The following SPACA7 variants were observed in gnomAD, a reference collection of about 807,000 sequenced individuals.
SPACA7 encodes the protein sperm acrosome-associated protein 7.
SPACA7 carries 19 observed loss-of-function variants against 26.3 expected under a neutral mutation model. The observed-to-expected ratio is 0.72, with a 90% confidence interval of 0.50 to 1.06. The LOEUF (loss-of-function observed/expected upper bound fraction) is 1.06, where lower values mean the gene tolerates loss of function less well. Ranked by LOEUF, SPACA7 falls within the 50% of genes least tolerant of loss-of-function variation. SPACA7 has a pLI of 0.00. For synonymous variants in SPACA7, 84 were observed against 84.5 expected, an observed-to-expected ratio of 0.99 and a Z score of 0.04; for missense variants, 211 against 229.9, an observed-to-expected ratio of 0.92 and a Z score of 0.53.
At chr13:112,433,188 C>T (rs7327893) in intron 6 of SPACA7, among the ~76,000 whole-genome samples, 39,392 of 145,150 alleles carry the variant, frequency 0.27, 5,657 homozygotes, top group East Asian at 0.63. Flanking sequence ...TGCCCGTCCA[C>T]GCAGCCTGAG....
At chr13:112,411,032 A>G (rs528086535) in intron 5 of SPACA7, among the ~76,000 whole-genome samples, 1 of 152,262 alleles carries the variant, frequency 6.6e-6, no homozygotes, top group South Asian at 2.1e-4. Flanking sequence ...AAAATAATTA[A>G]TGGATGAGTT....
At chr13:112,390,751 G>A (rs1884836473) in intron 1 of SPACA7, among the ~76,000 whole-genome samples, 1 of 152,220 alleles carries the variant, frequency 6.6e-6, no homozygotes, top group South Asian at 2.1e-4. Flanking sequence ...CACGAGAACA[G>A]CAAGGGGGAC....
intron 2 of SPACA7, 106 bp downstream of exon 2, chr13:112,393,183 G>A: frequency 1.2e-6 from 1 of 824,754 alleles, no homozygotes; most frequent in Non-Finnish European, 2.0e-6. Flanking sequence ...GACAGTGGAG[G>A]GAACTGATTG....
chr13:112,404,151 T>G (rs1453668831), intron 5 of SPACA7, among the ~76,000 whole-genome samples: 1 of 152,246 alleles, frequency 6.6e-6, no homozygotes, highest in Non-Finnish European at 1.5e-5. Flanking sequence ...ATTGTGGTTT[T>G]GATTTGTATT....
chr13:112,423,127 C>A (rs575334439), intron 5 of SPACA7, among the ~76,000 whole-genome samples: 7 of 152,200 alleles, frequency 4.6e-5, no homozygotes, highest in African/African-American at 1.7e-4. Context: ...AGTCGATATA[C>A]TCAAGCGATT....
intron 5 of SPACA7, among the ~76,000 whole-genome samples, chr13:112,416,471 G>A (rs1033842207): frequency 6.6e-6 from 1 of 152,078 alleles, no homozygotes; most frequent in African/African-American, 2.4e-5. Flanking sequence ...GTTTTTAGTA[G>A]AGAATGGGTT....
chr13:112,413,656 C>A lies in SPACA7; in HGVS notation c.445+12492C>A, dbSNP rs80341856. Among the ~76,000 whole-genome samples the A allele has an allele frequency of 3.5e-3, 534 of 152,230 alleles. 2 individuals carry two copies. The highest frequency in any genetic ancestry group is 0.013 in the African/African-American group (526 of 41,550). On this transcript the variant is annotated intron_variant, in intron 5 of 6. Coordinates refer to ENST00000283550, the MANE Select transcript of SPACA7 (RefSeq NM_145248.5). ...AGGTTTGGAAAGGTCTCTGTAATTA[C>A]TTCTTTGAATAAACTTTCTACTCCT...
At chr13:112,423,221 G>T (rs571088509) in intron 5 of SPACA7, among the ~76,000 whole-genome samples, 1 of 152,104 alleles carries the variant, frequency 6.6e-6, no homozygotes, top group African/African-American at 2.4e-5. Context: ...AAGTATTCTC[G>T]GGGCAAATGG....
At chr13:112,406,451 T>C (rs1012191940) in intron 5 of SPACA7, among the ~76,000 whole-genome samples, 1 of 152,220 alleles carries the variant, frequency 6.6e-6, no homozygotes, top group African/African-American at 2.4e-5. Flanking sequence ...GGCCAAGTAA[T>C]TTGGAAATTA....
intron 2 of SPACA7, 130 bp downstream of exon 2, chr13:112,393,207 A>T: frequency 1.6e-6 from 1 of 632,836 alleles, no homozygotes; most frequent in Non-Finnish European, 2.8e-6. Flanking sequence ...TGGGGCTAGA[A>T]TCATATACCA....
At chr13:112,414,356 A>G (rs1268559706) in intron 5 of SPACA7, among the ~76,000 whole-genome samples, 1 of 128,614 alleles carries the variant, frequency 7.8e-6, no homozygotes, top group East Asian at 2.2e-4. Flanking sequence ...CATTAAATTA[A>G]TCTGATAAGT....
At chr13:112,422,110 A>G (rs1876044398) in intron 5 of SPACA7, among the ~76,000 whole-genome samples, 1 of 152,004 alleles carries the variant, frequency 6.6e-6, no homozygotes, top group South Asian at 2.1e-4. Flanking sequence ...AAAACTTTAG[A>G]AAAAAAAGAA....
At chr13:112,383,403 A>T (rs1884334212) in intron 1 of SPACA7, among the ~76,000 whole-genome samples, 2 of 152,206 alleles carry the variant, frequency 1.3e-5, no homozygotes, top group African/African-American at 4.8e-5. Context: ...AAAACAAATC[A>T]TGATAGAAAT....
At chr13:112,381,335 A>T (rs1884044080) in intron 1 of SPACA7, among the ~76,000 whole-genome samples, 1 of 152,046 alleles carries the variant, frequency 6.6e-6, no homozygotes, top group Non-Finnish European at 1.5e-5. Context: ...ACCAAAAAAA[A>T]TGCAGAAATT....
chr13:112,421,418 T>C (rs1875969987), intron 5 of SPACA7, among the ~76,000 whole-genome samples: 1 of 151,820 alleles, frequency 6.6e-6, no homozygotes. Flanking sequence ...AACAAATCAA[T>C]AGAGGAAGTA....
chr13:112,383,304 C>CA (rs1190985457), intron 1 of SPACA7, among the ~76,000 whole-genome samples: 1 of 151,672 alleles, frequency 6.6e-6, no homozygotes, highest in Admixed American at 6.6e-5. Flanking sequence ...CTAAACTGCC[C>CA]AAAAAAACCT....
chr13:112,385,506 C>T lies in SPACA7; in HGVS notation c.95-7515C>T, dbSNP rs556027956. ...AGACACAAATGAAGATAAGGTCTGA[C>T]TCTTTTCAGCATAGCTAGCGGCATG... On this transcript the variant is annotated intron_variant, in intron 1 of 6. Coordinates refer to ENST00000283550, the MANE Select transcript of SPACA7 (RefSeq NM_145248.5). Among the ~76,000 whole-genome samples the T allele has an allele frequency of 3.1e-4, 47 of 152,290 alleles. No individual in the cohort carries two copies. In the South Asian group the frequency reaches 9.3e-3, roughly 30 times the overall value.
chr13:112,399,248 C>G, intron 4 of SPACA7, 75 bp downstream of exon 4: 2 of 808,860 alleles, frequency 2.5e-6, no homozygotes, highest in Non-Finnish European at 4.4e-6. Flanking sequence ...CAGACGCAGG[C>G]GGAAACATCT....
chr13:112,381,932 T>G (rs1277813217), intron 1 of SPACA7, among the ~76,000 whole-genome samples: 6 of 152,196 alleles, frequency 3.9e-5, no homozygotes, highest in Non-Finnish European at 8.8e-5. Flanking sequence ...GTCAGAATCT[T>G]GTGGCCTCCA....
Sources: allele counts gnomAD v4.1 joint callset (sites outside exome capture counted in the v4.1 genomes callset), GRCh38; gene constraint gnomAD v4.1.1; transcripts MANE v1.5; gene names NCBI Gene and HGNC (gene_info 2026-07-23, HGNC 2026-07-21).